UBE2E3: variants seen among roughly 807,000 people sequenced by gnomAD.
The protein encoded by UBE2E3 is ubiquitin-conjugating enzyme E2 E3.
Under a neutral mutation model 23.6 loss-of-function variants are expected in UBE2E3, and 5 were observed. The observed-to-expected ratio is 0.21, with a 90% CI of 0.11 to 0.44. UBE2E3 has a LOEUF of 0.44. Ranked by LOEUF, UBE2E3 falls within the 20% of genes least tolerant of loss-of-function variation. UBE2E3 has a pLI of 0.99. For synonymous variants in UBE2E3, 78 were observed against 87.5 expected, an observed-to-expected ratio of 0.89 and a Z score of 0.60; for missense variants, 81 against 249.8, an observed-to-expected ratio of 0.32 and a Z score of 4.55.
chr2:181,003,072 C>CT (rs1685036308), intron 3 of UBE2E3, among the ~76,000 whole-genome samples: 1 of 152,220 alleles, frequency 6.6e-6, no homozygotes, highest in Non-Finnish European at 1.5e-5. Flanking sequence ...TTGAGAGAGT[C>CT]TCTCTGTTCC....
chr2:180,996,167 A>G (rs1323737368), intron 3 of UBE2E3, among the ~76,000 whole-genome samples: 4 of 152,230 alleles, frequency 2.6e-5, no homozygotes, highest in Non-Finnish European at 5.9e-5. Context: ...GGTAAAAGTC[A>G]TATGGACCTA....
intron 3 of UBE2E3, among the ~76,000 whole-genome samples, chr2:181,021,554 C>CCCTTCCTTCCTTCCTT (rs749212211): frequency 6.1e-4 from 29 of 47,228 alleles, no homozygotes; most frequent in Non-Finnish European, 8.5e-4. Flanking sequence ...TAAATATACT[C>CCCTTCCTTCCTTCCTT]CCTTCCTTCC....
chr2:181,002,296 A>G (rs185749111), intron 3 of UBE2E3, among the ~76,000 whole-genome samples: 31 of 152,318 alleles, frequency 2.0e-4, no homozygotes, highest in Admixed American at 9.8e-4. Context: ...TTTAATCTAT[A>G]TTATTCATTA....
chr2:181,053,099 C>T (rs1273778001), intron 3 of UBE2E3, among the ~76,000 whole-genome samples: 1 of 151,710 alleles, frequency 6.6e-6, no homozygotes, highest in East Asian at 1.9e-4. Context: ...CTTATTTTTA[C>T]ATCTCTTTTC....
At chr2:181,059,074 T>C (rs918766004) in intron 4 of UBE2E3, among the ~76,000 whole-genome samples, 1 of 151,796 alleles carries the variant, frequency 6.6e-6, no homozygotes, top group South Asian at 2.1e-4. Flanking sequence ...ATGAATATAA[T>C]GATTATAAAT....
chr2:181,019,948 G>T (rs1365567463), intron 3 of UBE2E3, among the ~76,000 whole-genome samples: 2 of 152,002 alleles, frequency 1.3e-5, no homozygotes, highest in Non-Finnish European at 2.9e-5. Context: ...TCCAGAACTT[G>T]TTCATCTTGC....
At chr2:181,013,258 A>T (rs1424392915) in intron 3 of UBE2E3, among the ~76,000 whole-genome samples, 1 of 152,204 alleles carries the variant, frequency 6.6e-6, no homozygotes, top group Admixed American at 6.6e-5. Context: ...AGTGGCTTTA[A>T]ATGGAAAACA....
intron 3 of UBE2E3, among the ~76,000 whole-genome samples, chr2:180,988,167 G>C (rs1208609846): frequency 1.3e-5 from 2 of 152,120 alleles, no homozygotes; most frequent in African/African-American, 4.8e-5. Context: ...TGTAAATCGA[G>C]TCAGTAAAGT....
intron 3 of UBE2E3, among the ~76,000 whole-genome samples, chr2:181,030,578 GA>G (rs938563975): frequency 1.3e-5 from 2 of 151,870 alleles, no homozygotes; most frequent in African/African-American, 2.4e-5. Flanking sequence ...TGGCCTCAGA[GA>G]AAAAAAATTA....
chr2:181,003,180 G>A (rs1460286135), intron 3 of UBE2E3, among the ~76,000 whole-genome samples: 2 of 152,184 alleles, frequency 1.3e-5, no homozygotes, highest in African/African-American at 4.8e-5. Flanking sequence ...AGTTTATTTA[G>A]TAAGGAGCTT....
intron 3 of UBE2E3, among the ~76,000 whole-genome samples, chr2:181,047,143 C>T (rs1360899341): frequency 6.6e-6 from 1 of 152,154 alleles, no homozygotes; most frequent in African/African-American, 2.4e-5. Flanking sequence ...GTTTCTAACA[C>T]ACTTTTCAAA....
At chr2:181,060,231 T>C (rs1262445159) in intron 4 of UBE2E3, among the ~76,000 whole-genome samples, 2 of 151,714 alleles carry the variant, frequency 1.3e-5, no homozygotes, top group African/African-American at 4.8e-5. Context: ...ACTGATCTTT[T>C]CTAGTAAGAA....
At chr2:181,024,009 A>C (rs1223558262) in intron 3 of UBE2E3, among the ~76,000 whole-genome samples, 1 of 152,042 alleles carries the variant, frequency 6.6e-6, no homozygotes, top group Admixed American at 6.6e-5. Context: ...TTTCTTTTGC[A>C]TTTGTAACCT....
chr2:181,018,379 T>A (rs1280560791), intron 3 of UBE2E3, among the ~76,000 whole-genome samples: 2 of 152,050 alleles, frequency 1.3e-5, no homozygotes, highest in Admixed American at 1.3e-4. Context: ...TGTATATATA[T>A]ATATATATTT....
At chr2:181,001,710 G>A (rs750263548) in intron 3 of UBE2E3, among the ~76,000 whole-genome samples, 7 of 152,134 alleles carry the variant, frequency 4.6e-5, no homozygotes, top group Non-Finnish European at 7.4e-5. Context: ...CTGGGATTTC[G>A]AAGGTGACAG....
intron 3 of UBE2E3, among the ~76,000 whole-genome samples, chr2:181,030,578 G>A (rs1036572189): frequency 6.6e-6 from 1 of 151,752 alleles, no homozygotes; most frequent in African/African-American, 2.4e-5. Flanking sequence ...TGGCCTCAGA[G>A]AAAAAAAATT....
At chr2:181,013,506 T>C (rs923006103) in intron 3 of UBE2E3, among the ~76,000 whole-genome samples, 24 of 94,504 alleles carry the variant, frequency 2.5e-4, no homozygotes, top group African/African-American at 6.6e-4. Context: ...GTTTCTTGAC[T>C]TGTTGGCCTA....
At position 181,052,877 on chromosome 2, in the gene UBE2E3, G is replaced by C. The variant is rs191784304; in HGVS notation, c.246-4816G>C. ...TCCTATCTGCTGTGAAATGCTTGCT[G>C]GTCACTTTTCTACCTTGGTTTTCTT... On this transcript the variant is annotated intron_variant, in intron 3 of 5. Transcript: ENST00000410062. Among the ~76,000 whole-genome samples, 20 of 151,848 alleles carry C rather than the reference G, an allele frequency of 1.3e-4. No homozygotes were observed. In the East Asian group the frequency reaches 3.5e-3, roughly 27 times the overall value.
intron 3 of UBE2E3, among the ~76,000 whole-genome samples, chr2:181,048,503 A>G (rs1686737573): frequency 6.6e-6 from 1 of 152,132 alleles, no homozygotes; most frequent in Admixed American, 6.6e-5. Flanking sequence ...TGTTATAGAG[A>G]TTACATAAGA....
Sources: allele counts gnomAD v4.1 joint callset (sites outside exome capture counted in the v4.1 genomes callset), GRCh38; gene constraint gnomAD v4.1.1; transcripts MANE v1.5; gene names NCBI Gene and HGNC (gene_info 2026-07-23, HGNC 2026-07-21).